CEP128: variants seen among roughly 807,000 people sequenced by gnomAD.
The protein encoded by CEP128 is centrosomal protein 128kDa.
A neutral mutation model predicts 156.7 loss-of-function variants in CEP128; 132 were observed. The ratio of observed to expected loss-of-function variants is 0.84; its 90% CI spans 0.73 to 0.97. The LOEUF (loss-of-function observed/expected upper bound fraction) is 0.97. Ranked by LOEUF, CEP128 falls within the 50% of genes least tolerant of loss-of-function variation. The pLI is 0.00. For synonymous variants in CEP128, 469 were observed against 448.9 expected (o/e 1.04, Z -0.57); for missense variants, 1,252 against 1,281.9 (o/e 0.98, Z 0.36).
intron 20 of CEP128, among the ~76,000 whole-genome samples, chr14:80,570,367 C>T (rs543579474): frequency 1.3e-5 from 2 of 152,276 alleles, no homozygotes; most frequent in South Asian, 2.1e-4. Flanking sequence ...CCGCCCACCT[C>T]GGCCTCCCAA....
intron 19 of CEP128, among the ~76,000 whole-genome samples, chr14:80,597,241 G>A (rs898709598): frequency 2.6e-5 from 4 of 152,192 alleles, no homozygotes; most frequent in Non-Finnish European, 5.9e-5. Context: ...AATTACCAAC[G>A]TTAGGAATGA....
intron 19 of CEP128, among the ~76,000 whole-genome samples, chr14:80,635,360 C>T (rs144412016): frequency 1.6e-4 from 24 of 152,234 alleles, no homozygotes; most frequent in Admixed American, 1.4e-3. Context: ...ATCACTATCA[C>T]GCAGTCCCAA....
At chr14:80,652,276 G>C (rs940496007) in intron 19 of CEP128, among the ~76,000 whole-genome samples, 18 of 152,088 alleles carry the variant, frequency 1.2e-4, no homozygotes, top group Non-Finnish European at 2.2e-4. Flanking sequence ...TCAGGACACA[G>C]GCATGGGCAA....
intron 19 of CEP128, among the ~76,000 whole-genome samples, chr14:80,728,087 A>G (rs1898087275): frequency 6.6e-6 from 1 of 152,236 alleles, no homozygotes; most frequent in Non-Finnish European, 1.5e-5. Context: ...AATAGTAGAC[A>G]TGGAATCAAC....
chr14:80,764,137 T>G (rs972832635), intron 16 of CEP128, among the ~76,000 whole-genome samples: 11 of 152,238 alleles, frequency 7.2e-5, no homozygotes, highest in Non-Finnish European at 1.5e-4. Context: ...AATCTTTTGA[T>G]ATTCTTGAGA....
At chr14:80,531,837 A>G (rs1197152918) in intron 21 of CEP128, among the ~76,000 whole-genome samples, 2 of 152,130 alleles carry the variant, frequency 1.3e-5, no homozygotes, top group Admixed American at 1.3e-4. Flanking sequence ...CTCCCCTGTG[A>G]AAGGTTCTGA....
At chr14:80,724,697 T>C (rs1346127768) in intron 19 of CEP128, among the ~76,000 whole-genome samples, 1 of 151,982 alleles carries the variant, frequency 6.6e-6, no homozygotes, top group African/African-American at 2.4e-5. Context: ...CTGATTTCTA[T>C]ACACTGTCTA....
intron 8 of CEP128, among the ~76,000 whole-genome samples, chr14:80,885,202 C>T: frequency 6.6e-6 from 1 of 152,174 alleles, no homozygotes; most frequent in East Asian, 1.9e-4. Flanking sequence ...GGCACAGCTT[C>T]AGCAGACTTA....
At chr14:80,613,007 A>ATTTTTTTTTTTTT (rs66946967) in intron 19 of CEP128, among the ~76,000 whole-genome samples, 1 of 114,702 alleles carries the variant, frequency 8.7e-6, no homozygotes, top group African/African-American at 3.2e-5. Context: ...CACCCGGCGA[A>ATTTTTTTTTTTTT]TTTTTTTTTT....
intron 23 of CEP128, among the ~76,000 whole-genome samples, chr14:80,526,174 G>C (rs1566757551): frequency 6.6e-6 from 1 of 152,062 alleles, no homozygotes; most frequent in Non-Finnish European, 1.5e-5. Flanking sequence ...ACATTTTAGG[G>C]ATGCAACTAA....
intron 21 of CEP128, among the ~76,000 whole-genome samples, chr14:80,554,732 A>G (rs1203138159): frequency 6.6e-6 from 1 of 151,900 alleles, no homozygotes; most frequent in Non-Finnish European, 1.5e-5. Context: ...GGTCTTTTTT[A>G]TTATGATTCG....
chr14:80,898,066 C>T (rs974241095), intron 7 of CEP128, among the ~76,000 whole-genome samples: 1 of 152,202 alleles, frequency 6.6e-6, no homozygotes, highest in African/African-American at 2.4e-5. Context: ...GGGCCTGAGC[C>T]ACTGTGCCCG....
chr14:80,723,172 G>A (rs1897891720), intron 19 of CEP128, among the ~76,000 whole-genome samples: 1 of 152,072 alleles, frequency 6.6e-6, no homozygotes, highest in East Asian at 1.9e-4. Flanking sequence ...ATCTAGAATG[G>A]TAGAGTGAGC....
intron 2 of CEP128, among the ~76,000 whole-genome samples, chr14:80,936,729 A>C (rs1438255392): frequency 6.6e-6 from 1 of 152,244 alleles, no homozygotes; most frequent in African/African-American, 2.4e-5. Flanking sequence ...AAAAGACTCA[A>C]AAGATACATA....
At chr14:80,818,258 A>G (rs1184662433) in intron 13 of CEP128, among the ~76,000 whole-genome samples, 1 of 152,116 alleles carries the variant, frequency 6.6e-6, no homozygotes, top group Non-Finnish European at 1.5e-5. Context: ...GACTCAAGCG[A>G]TCCTCCCACC....
At chr14:80,895,958 G>A (rs1167425623) in intron 7 of CEP128, among the ~76,000 whole-genome samples, 168 bp from the exon 8 acceptor site, 2 of 152,080 alleles carry the variant, frequency 1.3e-5, no homozygotes, top group Non-Finnish European at 2.9e-5. Context: ...AACACAGACT[G>A]CTGGATCCCG....
intron 19 of CEP128, among the ~76,000 whole-genome samples, chr14:80,720,046 T>C (rs1159127933): frequency 6.6e-6 from 1 of 151,054 alleles, no homozygotes; most frequent in African/African-American, 2.4e-5. Flanking sequence ...TCCGAGGAGG[T>C]GACATTTCAA....
At chr14:80,752,246 A>G (rs1236652259) in intron 18 of CEP128, among the ~76,000 whole-genome samples, 2 of 152,228 alleles carry the variant, frequency 1.3e-5, no homozygotes, top group Non-Finnish European at 2.9e-5. Flanking sequence ...AAATGTTTGT[A>G]TAAGAAACAG....
At chr14:80,619,371 C>CACAG (rs1555383079) in intron 19 of CEP128, among the ~76,000 whole-genome samples, 13 of 147,228 alleles carry the variant, frequency 8.8e-5, no homozygotes, top group South Asian at 6.8e-4. Flanking sequence ...CACACAGACA[C>CACAG]ACACACACAC....
Sources: allele counts gnomAD v4.1 joint callset (sites outside exome capture counted in the v4.1 genomes callset), GRCh38; gene constraint gnomAD v4.1.1; transcripts MANE v1.5; gene names NCBI Gene and HGNC (gene_info 2026-07-23, HGNC 2026-07-21).